PDE10A: variants seen among roughly 807,000 people sequenced by gnomAD.
PDE10A encodes the protein phosphodiesterase 10A.
Under a neutral mutation model 97.7 loss-of-function variants are expected in PDE10A, and 39 were observed. The observed-to-expected ratio is 0.40, with a 90% confidence interval of 0.31 to 0.52. The LOEUF is 0.52. Among genes scored for constraint, PDE10A ranks in the 20% least tolerant of loss-of-function variants. The probability of loss-of-function intolerance (pLI) is 0.56; values close to 1 mark genes in which losing one functional copy is unlikely to be tolerated. For synonymous variants in PDE10A, 371 were observed against 376.8 expected, an observed-to-expected ratio of 0.98 and a Z score of 0.18; for missense variants, 731 against 1,047.8, an observed-to-expected ratio of 0.70 and a Z score of 4.17.
chr6:165,982,926 A>G (rs1207106405), intron 1 of PDE10A, among the ~76,000 whole-genome samples: 1 of 152,214 alleles, frequency 6.6e-6, no homozygotes, highest in Non-Finnish European at 1.5e-5. Flanking sequence ...TTTGCACACC[A>G]ATTTTCTTTA....
At chr6:165,447,438 A>AG (rs1790937528) in intron 5 of PDE10A, among the ~76,000 whole-genome samples, 1 of 152,206 alleles carries the variant, frequency 6.6e-6, no homozygotes, top group African/African-American at 2.4e-5. Context: ...CCCGAGGATA[A>AG]GGGGTTGGAG....
At chr6:165,860,169 C>T (rs763946763) in intron 1 of PDE10A, among the ~76,000 whole-genome samples, 4 of 152,078 alleles carry the variant, frequency 2.6e-5, no homozygotes, top group Admixed American at 6.5e-5. Flanking sequence ...AACACAAAAA[C>T]GTGGCCGGGC....
chr6:165,950,888 G>A (rs577930469), intron 1 of PDE10A, among the ~76,000 whole-genome samples: 6 of 152,324 alleles, frequency 3.9e-5, no homozygotes, highest in African/African-American at 7.2e-5. Context: ...TGGGGTACAC[G>A]TTGGGAGATC....
intron 17 of PDE10A, among the ~76,000 whole-genome samples, chr6:165,386,282 G>A (rs1785298502): frequency 1.3e-5 from 2 of 152,168 alleles, no homozygotes; most frequent in African/African-American, 2.4e-5. Context: ...TGATGTGACT[G>A]CTATATTACA....
chr6:165,762,944 AG>A (rs907792472), intron 1 of PDE10A, among the ~76,000 whole-genome samples: 1 of 152,216 alleles, frequency 6.6e-6, no homozygotes, highest in African/African-American at 2.4e-5. Flanking sequence ...AGAAAAAAAA[AG>A]ACAAAAACCC....
At chr6:165,881,291 G>A (rs1239911038) in intron 1 of PDE10A, among the ~76,000 whole-genome samples, 1 of 151,842 alleles carries the variant, frequency 6.6e-6, no homozygotes, top group Non-Finnish European at 1.5e-5. Flanking sequence ...TCCATCCTTT[G>A]AGACAGTAAA....
At chr6:165,712,274 A>G (rs373580778) in intron 1 of PDE10A, among the ~76,000 whole-genome samples, 6 of 152,228 alleles carry the variant, frequency 3.9e-5, no homozygotes, top group African/African-American at 1.4e-4. Context: ...GGACCGTTTC[A>G]TGAAAAGTGA....
intron 1 of PDE10A, among the ~76,000 whole-genome samples, chr6:165,672,420 T>C (rs1166700400): frequency 6.6e-6 from 1 of 152,224 alleles, no homozygotes; most frequent in East Asian, 1.9e-4. Context: ...AAGCCTATTT[T>C]ATAATAAAGT....
chr6:165,936,041 G>A (rs536470500), intron 1 of PDE10A, among the ~76,000 whole-genome samples: 21 of 152,308 alleles, frequency 1.4e-4, no homozygotes, highest in Middle Eastern at 3.4e-3. Flanking sequence ...GAAGAATTCC[G>A]GATGGATTCC....
chr6:165,589,160 T>C (rs1786098262), intron 1 of PDE10A, among the ~76,000 whole-genome samples: 1 of 152,204 alleles, frequency 6.6e-6, no homozygotes, highest in Non-Finnish European at 1.5e-5. Flanking sequence ...ATACAGAGCA[T>C]GCAAAGTACT....
At chr6:165,467,318 T>G (rs1024203111) in intron 3 of PDE10A, among the ~76,000 whole-genome samples, 2 of 152,232 alleles carry the variant, frequency 1.3e-5, no homozygotes, top group Non-Finnish European at 2.9e-5. Context: ...GAGTGGATTT[T>G]CAAAGCAGAC....
In PDE10A at chr6:165,928,602, C is replaced by T. The variant is rs147764945; in HGVS notation, c.-615+58927G>A. ...ATGGCAGAGCAAAAGGGGGACATTT[C>T]CTGGAAAGCATCCACTCTACAGGAA... is the stretch of plus-strand genomic sequence containing the variant. On this transcript the variant is annotated intron_variant, in intron 1 of 19. Coordinates refer to the PDE10A transcript ENST00000366882. Among the ~76,000 whole-genome samples, 901 of 152,286 alleles carry T rather than the reference C, an allele frequency of 5.9e-3. 7 individuals are homozygous for T. Among genetic ancestry groups the T allele is most frequent in the Non-Finnish European group, 9.0e-3 (613 of 68,016 alleles).
intron 1 of PDE10A, among the ~76,000 whole-genome samples, chr6:165,943,222 A>AAGGAAGGAAG (rs1562809695): frequency 1.5e-4 from 10 of 64,720 alleles, no homozygotes; most frequent in South Asian, 4.8e-4. Context: ...AAAGAAAGAA[A>AAGGAAGGAAG]GAAAGAAAGA....
chr6:165,383,340 T>C (rs1785051408), intron 17 of PDE10A, among the ~76,000 whole-genome samples: 2 of 152,208 alleles, frequency 1.3e-5, no homozygotes, highest in Admixed American at 1.3e-4. Flanking sequence ...TGATTTAATA[T>C]TCCAGCAATA....
intron 3 of PDE10A, among the ~76,000 whole-genome samples, chr6:165,464,050 G>A (rs893130146): frequency 4.6e-5 from 7 of 152,076 alleles, no homozygotes; most frequent in South Asian, 2.1e-4. Context: ...ATCTCTGTTC[G>A]GGGATCTCAG....
chr6:165,668,176 C>A (rs1790543261), upstream of PDE10A, among the ~76,000 whole-genome samples: 1 of 152,188 alleles, frequency 6.6e-6, no homozygotes, highest in Admixed American at 6.5e-5. Context: ...GAAAATACTT[C>A]TTTAAGAGAA....
At chr6:165,350,537 G>A (rs1352860368) in intron 18 of PDE10A, among the ~76,000 whole-genome samples, 4 of 152,128 alleles carry the variant, frequency 2.6e-5, no homozygotes, top group African/African-American at 9.7e-5. Flanking sequence ...ACTGGAATTA[G>A]TTAAGAATTT....
At chr6:165,508,638 A>G (rs948074263) in intron 2 of PDE10A, among the ~76,000 whole-genome samples, 7 of 152,042 alleles carry the variant, frequency 4.6e-5, no homozygotes, top group African/African-American at 1.7e-4. Context: ...AGAGCATTTT[A>G]CACTCCCTCA....
In PDE10A at chr6:165,541,967, A is replaced by C. The variant is rs79253895; in HGVS notation, c.994+1473T>G. On this transcript the variant is annotated intron_variant, in intron 2 of 21. Transcript: ENST00000539869. ...AAAACAAAATTTCAGAAACTTTAAA[A>C]ATTAGTGAGAAAAATTACCTATACT... Among the ~76,000 whole-genome samples, 971 of 152,306 alleles carry C rather than the reference A, an allele frequency of 6.4e-3. 11 individuals are homozygous for C. The highest frequency in any genetic ancestry group is 0.022 in the African/African-American group (923 of 41,556).
Sources: allele counts gnomAD v4.1 joint callset (sites outside exome capture counted in the v4.1 genomes callset), GRCh38; gene constraint gnomAD v4.1.1; transcripts MANE v1.5; gene names NCBI Gene and HGNC (gene_info 2026-07-23, HGNC 2026-07-21).